FUT9: variants seen among roughly 807,000 people sequenced by gnomAD.
FUT9 encodes the protein fucosyltransferase 9.
A neutral mutation model predicts 29.7 loss-of-function variants in FUT9; 15 were observed. That is an observed-to-expected ratio of 0.51 (90% CI 0.34 to 0.78). The LOEUF (loss-of-function observed/expected upper bound fraction) is 0.78, where lower values mean the gene tolerates loss of function less well. Ranked by LOEUF, FUT9 falls within the 30% of genes least tolerant of loss-of-function variation. The probability of loss-of-function intolerance (pLI) is 0.01; values close to 1 mark genes in which losing one functional copy is unlikely to be tolerated. For missense variants in FUT9, 319 were observed against 425.4 expected (o/e 0.75, Z 2.20); for synonymous variants, 169 against 153.7 (o/e 1.10, Z -0.74).
At chr6:96,134,419 T>C (rs1772309870) in intron 2 of FUT9, among the ~76,000 whole-genome samples, 1 of 151,856 alleles carries the variant, frequency 6.6e-6, no homozygotes, top group Non-Finnish European at 1.5e-5. Flanking sequence ...ATCATAATTT[T>C]TTAACCAATT....
chr6:96,057,282 A>C (rs1387576038), intron 1 of FUT9, among the ~76,000 whole-genome samples: 1 of 152,168 alleles, frequency 6.6e-6, no homozygotes, highest in Non-Finnish European at 1.5e-5. Flanking sequence ...CTCATGCTTC[A>C]ATACCTAGAA....
At chr6:96,181,817 C>G (rs1398058835) in intron 2 of FUT9, among the ~76,000 whole-genome samples, 2 of 151,970 alleles carry the variant, frequency 1.3e-5, no homozygotes, top group African/African-American at 4.8e-5. Context: ...GTTTCTTTAT[C>G]CACTCCTTGA....
chr6:96,023,468 T>C (rs1277574808), intron 1 of FUT9, among the ~76,000 whole-genome samples: 1 of 151,874 alleles, frequency 6.6e-6, no homozygotes, highest in Non-Finnish European at 1.5e-5. Flanking sequence ...CTGACTTATG[T>C]ACTACTGATG....
At chr6:96,065,908 G>A (rs747133084) in intron 1 of FUT9, among the ~76,000 whole-genome samples, 2 of 152,146 alleles carry the variant, frequency 1.3e-5, no homozygotes, top group African/African-American at 4.8e-5. Flanking sequence ...AAGTGTCAAG[G>A]CAAAGTCATT....
intron 1 of FUT9, among the ~76,000 whole-genome samples, chr6:96,100,748 A>G (rs1297411501): frequency 6.6e-6 from 1 of 152,194 alleles, no homozygotes; most frequent in Non-Finnish European, 1.5e-5. Context: ...GTACTACTGA[A>G]CAGTTTGACC....
At chr6:96,194,668 G>C (rs187697970) in intron 2 of FUT9, among the ~76,000 whole-genome samples, 39 of 150,990 alleles carry the variant, frequency 2.6e-4, no homozygotes, top group African/African-American at 7.8e-4. Context: ...AGTCCAAAAG[G>C]CTAGTAATCT....
chr6:96,157,757 A>G (rs4380761), intron 2 of FUT9, among the ~76,000 whole-genome samples: 61,750 of 151,984 alleles, frequency 0.41, 13,755 homozygotes, highest in South Asian at 0.7. Flanking sequence ...TCCTGCAATT[A>G]TAATTTGAAT....
chr6:96,169,120 C>G lies in FUT9; in HGVS notation c.-8-34028C>G, dbSNP rs145139740. On this transcript the variant is annotated intron_variant, in intron 2 of 2. Transcript: ENST00000302103. ...AGTACCAAGGCGCTGAAGGAGGGAG[C>G]TGGGTGATGCCCTACACTGTCCACT... is the stretch of plus-strand genomic sequence containing the variant. Among the ~76,000 whole-genome samples the G allele has an allele frequency of 3.5e-3, 530 of 152,282 alleles. 2 individuals are homozygous for G. Among genetic ancestry groups the G allele is most frequent in the African/African-American group, 0.011 (474 of 41,572 alleles).
At position 96,208,947 on chromosome 6, in the gene FUT9, A is replaced by T. The variant is rs1423017154; in HGVS notation, c.*4712A>T. 1 of 166,692 alleles carries T rather than the reference A, an allele frequency of 6.0e-6. No individual in the cohort carries two copies. Among genetic ancestry groups the T allele is most frequent in the Admixed American group, 6.6e-5 (1 of 15,214 alleles). 10.3% of individuals were successfully genotyped at this position (166,692 alleles called of 1,614,324 possible). A position where few individuals can be genotyped will look rare whatever the true frequency, so the allele number is the denominator to read the frequency against. On this transcript the variant is annotated 3_prime_UTR_variant, in exon 3 of 3. Transcript: ENST00000302103. ...ATCTAGAGATTTTGTAGCATTTTGC[A>T]AATGGGTATGCTTCACTACTATCCA...
chr6:96,046,891 TCA>T (rs1770573639), intron 1 of FUT9, among the ~76,000 whole-genome samples: 2 of 152,224 alleles, frequency 1.3e-5, no homozygotes, highest in Non-Finnish European at 2.9e-5. Flanking sequence ...GAAAAAATTA[TCA>T]GAGTGACAGA....
At chr6:96,191,443 C>A (rs754795388) in intron 2 of FUT9, among the ~76,000 whole-genome samples, 29 of 152,140 alleles carry the variant, frequency 1.9e-4, no homozygotes, top group Non-Finnish European at 3.8e-4. Context: ...TCAGAGAATG[C>A]TATAAACACC....
At chr6:96,143,443 T>C (rs1185161075) in intron 2 of FUT9, among the ~76,000 whole-genome samples, 1 of 152,222 alleles carries the variant, frequency 6.6e-6, no homozygotes, top group Non-Finnish European at 1.5e-5. Context: ...AGATAGCAGA[T>C]AGTTCATATG....
intron 1 of FUT9, among the ~76,000 whole-genome samples, chr6:96,098,217 C>T (rs572924644): frequency 3.3e-4 from 50 of 152,234 alleles, no homozygotes; most frequent in African/African-American, 1.2e-3. Context: ...TTGTCAACTA[C>T]TTTTTATAAA....
intron 1 of FUT9, among the ~76,000 whole-genome samples, chr6:96,073,060 A>G (rs1030722672): frequency 2.9e-4 from 44 of 152,222 alleles, no homozygotes; most frequent in African/African-American, 1.1e-3. Context: ...CTGACTTGCA[A>G]TGTGAGCACA....
intron 1 of FUT9, among the ~76,000 whole-genome samples, chr6:96,075,241 GC>G (rs2127948839): frequency 6.6e-6 from 1 of 152,266 alleles, no homozygotes; most frequent in South Asian, 2.1e-4. Flanking sequence ...TGTGTTAGGA[GC>G]CAAGTTTGAA....
chr6:96,063,955 A>C (rs1165699558), intron 1 of FUT9, among the ~76,000 whole-genome samples: 2 of 152,200 alleles, frequency 1.3e-5, no homozygotes, highest in Non-Finnish European at 2.9e-5. Context: ...AAGCTTCAAA[A>C]TGAGACAATG....
chr6:96,077,018 G>A (rs1198718343), intron 1 of FUT9, among the ~76,000 whole-genome samples: 1 of 152,084 alleles, frequency 6.6e-6, no homozygotes, highest in African/African-American at 2.4e-5. Flanking sequence ...AATACAAAAA[G>A]TCTAGTAAAG....
intron 1 of FUT9, among the ~76,000 whole-genome samples, chr6:96,076,589 A>G (rs1354022006): frequency 6.6e-6 from 1 of 152,218 alleles, no homozygotes; most frequent in Non-Finnish European, 1.5e-5. Flanking sequence ...GCTGAGAACA[A>G]CATATATACT....
intron 2 of FUT9, among the ~76,000 whole-genome samples, chr6:96,166,119 A>G (rs191313117): frequency 3.1e-4 from 47 of 152,208 alleles, no homozygotes; most frequent in African/African-American, 1.1e-3. Flanking sequence ...AGAGAGAGAG[A>G]GAGCACACAC....
Sources: gnomAD v4.1 joint callset for allele counts (sites outside exome capture counted in the v4.1 genomes callset) on GRCh38, gnomAD v4.1.1 for gene constraint, MANE v1.5 for transcripts, NCBI Gene and HGNC (gene_info 2026-07-23, HGNC 2026-07-21) for gene names.